PTPRG: variants seen among roughly 807,000 people sequenced by gnomAD.
PTPRG encodes protein tyrosine phosphatase receptor type G, also known as receptor-type tyrosine-protein phosphatase gamma.
A neutral mutation model predicts 165.3 loss-of-function variants in PTPRG; 102 were observed. That is an observed-to-expected ratio of 0.62 (90% CI 0.53 to 0.73). The LOEUF (loss-of-function observed/expected upper bound fraction) is 0.73, where lower values mean the gene tolerates loss of function less well. PTPRG is among the 30% of genes least tolerant of loss of function. The pLI, the probability that PTPRG is intolerant of heterozygous loss-of-function variation, is 0.00. For missense variants in PTPRG, 1,866 were observed against 1,861.4 expected, an observed-to-expected ratio of 1.00 and a Z score of -0.05; for synonymous variants, 675 against 669.5, an observed-to-expected ratio of 1.01 and a Z score of -0.13.
chr3:61,668,708 C>T (rs1702880331), intron 1 of PTPRG, among the ~76,000 whole-genome samples: 1 of 151,964 alleles, frequency 6.6e-6, no homozygotes. Flanking sequence ...TGAACATTAC[C>T]CTCTGCTGAA....
chr3:61,709,755 G>T (rs577784020), intron 1 of PTPRG, among the ~76,000 whole-genome samples: 2 of 152,162 alleles, frequency 1.3e-5, no homozygotes, highest in East Asian at 3.9e-4. Flanking sequence ...CATTTCCCAA[G>T]ACTGAAAAGA....
intron 1 of PTPRG, among the ~76,000 whole-genome samples, chr3:61,662,688 C>T (rs1219908005): frequency 6.6e-6 from 1 of 152,120 alleles, no homozygotes; most frequent in East Asian, 1.9e-4. Flanking sequence ...CTTGGCATGC[C>T]CTTGGAATGG....
intron 2 of PTPRG, among the ~76,000 whole-genome samples, chr3:61,846,400 A>G (rs2036806574): frequency 6.6e-6 from 1 of 152,166 alleles, no homozygotes; most frequent in East Asian, 1.9e-4. Flanking sequence ...GGAAACAGCC[A>G]CTGGGGCAGC....
intron 2 of PTPRG, among the ~76,000 whole-genome samples, chr3:61,762,598 A>T (rs1424799609): frequency 6.6e-6 from 1 of 152,132 alleles, no homozygotes; most frequent in African/African-American, 2.4e-5. Context: ...GCAGCAGAAC[A>T]ACACTGTTGC....
intron 13 of PTPRG, among the ~76,000 whole-genome samples, chr3:62,225,285 G>A (rs1240357808): frequency 6.6e-6 from 1 of 152,222 alleles, no homozygotes; most frequent in Non-Finnish European, 1.5e-5. Context: ...ACTTGGAGCA[G>A]CACAGCTGCT....
In PTPRG at chr3:62,221,878, A is replaced by C. The variant is rs1253604740; in HGVS notation, c.2288+2895A>C. The stretch of plus-strand genomic sequence containing the variant: ...GGAAAACTACACTCAAGGTCTCTGA[A>C]TTCTGTCTCTTCCAAGTCTCCCGCT... On this transcript the variant is annotated intron_variant, in intron 13 of 29. Coordinates refer to ENST00000474889, the MANE Select transcript of PTPRG (RefSeq NM_002841.4). Among the ~76,000 whole-genome samples, 9 of 152,334 alleles carry C rather than the reference A, an allele frequency of 5.9e-5. No homozygotes were observed. In the East Asian group the frequency reaches 7.7e-4, roughly 13 times the overall value.
chr3:61,902,001 G>C (rs535259018), intron 2 of PTPRG, among the ~76,000 whole-genome samples: 1 of 152,280 alleles, frequency 6.6e-6, no homozygotes, highest in South Asian at 2.1e-4. Flanking sequence ...ATGAAACGTG[G>C]TAATAAAGAG....
At chr3:62,093,488 G>C (rs757072649) in intron 5 of PTPRG, among the ~76,000 whole-genome samples, 1 of 152,204 alleles carries the variant, frequency 6.6e-6, no homozygotes, top group Non-Finnish European at 1.5e-5. Context: ...ACAGGTGGAG[G>C]GGAGCGTGGT....
chr3:61,799,752 A>G (rs1406854552), intron 2 of PTPRG, among the ~76,000 whole-genome samples: 2 of 152,132 alleles, frequency 1.3e-5, no homozygotes, highest in Non-Finnish European at 2.9e-5. Context: ...GCCCCCCACC[A>G]TACTGTACTC....
At chr3:62,191,692 G>C (rs1300809511) in intron 9 of PTPRG, 39 bp downstream of exon 9, 2 of 1,582,540 alleles carry the variant, frequency 1.3e-6, no homozygotes, top group Non-Finnish European at 1.7e-6. Context: ...ACATGCTGCA[G>C]AGAGGGACTC....
intron 2 of PTPRG, among the ~76,000 whole-genome samples, chr3:61,773,728 GA>G (rs1460546858): frequency 4.7e-5 from 7 of 150,180 alleles, no homozygotes; most frequent in Non-Finnish European, 7.4e-5. Flanking sequence ...TATGCTTAGG[GA>G]AAAAAAATTG....
chr3:61,618,611 C>T (rs1416533565), intron 1 of PTPRG, among the ~76,000 whole-genome samples: 1 of 152,098 alleles, frequency 6.6e-6, no homozygotes, highest in Non-Finnish European at 1.5e-5. Flanking sequence ...AAAACGGTAA[C>T]CTCTTTCTTT....
chr3:61,734,334 G>A (rs190040472), intron 1 of PTPRG, among the ~76,000 whole-genome samples: 125 of 152,226 alleles, frequency 8.2e-4, no homozygotes, highest in Admixed American at 1.6e-3. Context: ...ACCAGAATAT[G>A]AATGGACAGG....
chr3:62,248,721 A>G (rs1479613165), intron 15 of PTPRG, among the ~76,000 whole-genome samples: 1 of 152,244 alleles, frequency 6.6e-6, no homozygotes, highest in Non-Finnish European at 1.5e-5. Flanking sequence ...TTTCCTAAAT[A>G]TGCATACTGT....
chr3:61,828,391 A>G (rs1473240126), intron 2 of PTPRG, among the ~76,000 whole-genome samples: 1 of 152,230 alleles, frequency 6.6e-6, no homozygotes, highest in Non-Finnish European at 1.5e-5. Context: ...CATAGTCAGT[A>G]GCGTCTGGGA....
chr3:62,062,097 C>T (rs1169691143), intron 4 of PTPRG, among the ~76,000 whole-genome samples: 1 of 151,528 alleles, frequency 6.6e-6, no homozygotes, highest in African/African-American at 2.4e-5. Context: ...GTTGGGAGTT[C>T]GAGACCAGCC....
intron 2 of PTPRG, among the ~76,000 whole-genome samples, chr3:61,929,091 A>G (rs2039297037): frequency 6.6e-6 from 1 of 152,230 alleles, no homozygotes; most frequent in Non-Finnish European, 1.5e-5. Context: ...TGGCATAACC[A>G]AAACCAAATG....
chr3:61,644,342 T>G (rs1443865765), intron 1 of PTPRG, among the ~76,000 whole-genome samples: 1 of 152,160 alleles, frequency 6.6e-6, no homozygotes, highest in Admixed American at 6.5e-5. Context: ...GCATGTACCG[T>G]TTTCCAAAGA....
intron 1 of PTPRG, among the ~76,000 whole-genome samples, chr3:61,583,434 A>G (rs187129869): frequency 6.6e-5 from 10 of 152,342 alleles, no homozygotes; most frequent in African/African-American, 1.2e-4. Flanking sequence ...TCCCTGTCTC[A>G]TAGAGCTGAT....
Sources: gnomAD v4.1 joint callset for allele counts (sites outside exome capture counted in the v4.1 genomes callset) on GRCh38, gnomAD v4.1.1 for gene constraint, MANE v1.5 for transcripts, NCBI Gene and HGNC (gene_info 2026-07-23, HGNC 2026-07-21) for gene names.